ENOX1: variants seen among roughly 807,000 people sequenced by gnomAD.
ENOX1 encodes the protein candidate growth-related and time keeping constitutive hydroquinone (NADH) oxidase.
In ENOX1, 42 loss-of-function variants were observed where a neutral mutation model predicts 82.5. The observed-to-expected ratio is 0.51, with a 90% CI of 0.40 to 0.66. ENOX1 has a LOEUF of 0.66. Among genes scored for constraint, ENOX1 ranks in the 30% least tolerant of loss-of-function variants. The probability of loss-of-function intolerance (pLI) is 0.00; values close to 1 mark genes in which losing one functional copy is unlikely to be tolerated. For synonymous variants in ENOX1, 271 were observed against 282.2 expected, an observed-to-expected ratio of 0.96 and a Z score of 0.40; for missense variants, 608 against 811.6, an observed-to-expected ratio of 0.75 and a Z score of 3.05.
intron 3 of ENOX1, among the ~76,000 whole-genome samples, chr13:43,470,607 T>C (rs1453277703): frequency 1.3e-5 from 2 of 151,240 alleles, no homozygotes; most frequent in East Asian, 3.9e-4. Flanking sequence ...TACTTGTTTA[T>C]ATATTTACAT....
intron 2 of ENOX1, chr13:43,547,835 T>G (rs1358214452): frequency 6.6e-6 from 1 of 152,188 alleles, no homozygotes; most frequent in Non-Finnish European, 1.5e-5. Context: ...TCTCTGGTAC[T>G]AGGGATATAG....
chr13:43,705,324 C>CTATA (rs1320224649), intron 1 of ENOX1, among the ~76,000 whole-genome samples: 243 of 27,136 alleles, frequency 9.0e-3, no homozygotes, highest in South Asian at 0.023. Context: ...CTCTCTCTCT[C>CTATA]TCTCTCTATA....
chr13:43,751,683 A>C (rs1207311428), intron 1 of ENOX1, among the ~76,000 whole-genome samples: 5 of 152,174 alleles, frequency 3.3e-5, no homozygotes, highest in African/African-American at 9.7e-5. Context: ...TTATACTGAG[A>C]TTCATACACA....
intron 1 of ENOX1, among the ~76,000 whole-genome samples, chr13:43,762,303 T>C (rs1010424703): frequency 6.6e-6 from 1 of 152,212 alleles, no homozygotes; most frequent in Non-Finnish European, 1.5e-5. Flanking sequence ...AACAGCCTAC[T>C]ATTGAGAAGA....
intron 1 of ENOX1, among the ~76,000 whole-genome samples, chr13:43,718,607 G>T (rs1315008199): frequency 7.4e-6 from 1 of 134,460 alleles, no homozygotes; most frequent in Non-Finnish European, 1.5e-5. Context: ...AACCCAGGAG[G>T]CGGAGCTTGC....
At chr13:43,744,811 C>T (rs1035166428) in intron 1 of ENOX1, among the ~76,000 whole-genome samples, 2 of 152,164 alleles carry the variant, frequency 1.3e-5, no homozygotes, top group Non-Finnish European at 2.9e-5. Context: ...GACCTTGAAC[C>T]CAAGCTAAAG....
At chr13:43,496,140 T>A (rs1427163848) in intron 2 of ENOX1, among the ~76,000 whole-genome samples, 1 of 152,024 alleles carries the variant, frequency 6.6e-6, no homozygotes, top group Non-Finnish European at 1.5e-5. Flanking sequence ...AATGTTTTTT[T>A]ATAGGGAGCC....
At chr13:43,765,873 A>G (rs1290480071) in intron 1 of ENOX1, among the ~76,000 whole-genome samples, 1 of 152,244 alleles carries the variant, frequency 6.6e-6, no homozygotes, top group African/African-American at 2.4e-5. Context: ...GTCATAACAT[A>G]CAAATAGAGT....
chr13:43,438,536 A>C (rs2056168533), intron 3 of ENOX1, among the ~76,000 whole-genome samples: 1 of 152,236 alleles, frequency 6.6e-6, no homozygotes. Context: ...AGAACACTTA[A>C]AGGATTAGTT....
At chr13:43,482,022 T>C (rs138448019) in intron 3 of ENOX1, among the ~76,000 whole-genome samples, 4 of 152,268 alleles carry the variant, frequency 2.6e-5, no homozygotes, top group East Asian at 1.9e-4. Flanking sequence ...TGTGGAGAAA[T>C]TGGAACCCTT....
At chr13:43,624,769 C>T (rs922374757) in intron 2 of ENOX1, among the ~76,000 whole-genome samples, 1 of 152,084 alleles carries the variant, frequency 6.6e-6, no homozygotes, top group Non-Finnish European at 1.5e-5. Context: ...ATATCTCTAT[C>T]CATCACCAAC....
At chr13:43,441,815 T>C (rs559392453) in intron 3 of ENOX1, among the ~76,000 whole-genome samples, 28 of 152,308 alleles carry the variant, frequency 1.8e-4, no homozygotes, top group African/African-American at 6.3e-4. Context: ...CCTTCGATTT[T>C]TTTTTTTTAG....
chr13:43,376,117 AT>A (rs971103957), intron 5 of ENOX1, among the ~76,000 whole-genome samples: 4 of 151,688 alleles, frequency 2.6e-5, no homozygotes, highest in Admixed American at 6.6e-5. Context: ...TTATTCAATT[AT>A]TTTTTTTTAC....
At chr13:43,781,115 T>G (rs1952233345) in intron 1 of ENOX1, among the ~76,000 whole-genome samples, 1 of 152,230 alleles carries the variant, frequency 6.6e-6, no homozygotes, top group Admixed American at 6.5e-5. Context: ...GACAAATATA[T>G]TCCAAAATAT....
chr13:43,665,563 A>T (rs923421993), intron 2 of ENOX1, among the ~76,000 whole-genome samples: 26 of 152,160 alleles, frequency 1.7e-4, no homozygotes, highest in African/African-American at 6.0e-4. Flanking sequence ...AGCCTGGCTA[A>T]GTATGATTTA....
chr13:43,234,948 C>T (rs34612738), intron 15 of ENOX1, among the ~76,000 whole-genome samples: 25,917 of 152,056 alleles, frequency 0.17, 2,263 homozygotes, highest in African/African-American at 0.21. Context: ...AAAATAGAGA[C>T]TGGTTCCCAT....
chr13:43,571,840 C>T (rs1015821100), intron 2 of ENOX1, among the ~76,000 whole-genome samples: 1 of 152,076 alleles, frequency 6.6e-6, no homozygotes, highest in Admixed American at 6.6e-5. Context: ...TCCCAGCAAT[C>T]TCTACACGTC....
At chr13:43,759,800 A>G (rs891835646) in intron 1 of ENOX1, among the ~76,000 whole-genome samples, 2 of 152,234 alleles carry the variant, frequency 1.3e-5, no homozygotes, top group Non-Finnish European at 2.9e-5. Context: ...ATCCAGCCAG[A>G]CTACAGCATA....
intron 2 of ENOX1, among the ~76,000 whole-genome samples, chr13:43,552,741 C>A (rs776079664): frequency 2.0e-5 from 3 of 152,150 alleles, no homozygotes; most frequent in Admixed American, 1.3e-4. Flanking sequence ...AACTACCTAA[C>A]CTTGTAGTCC....
Sources: allele counts gnomAD v4.1 joint callset (sites outside exome capture counted in the v4.1 genomes callset), GRCh38; gene constraint gnomAD v4.1.1; transcripts MANE v1.5; gene names NCBI Gene and HGNC (gene_info 2026-07-23, HGNC 2026-07-21).